MGAT4C: variants seen among roughly 807,000 people sequenced by gnomAD.
MGAT4C encodes MGAT4 family member C, also known as alpha-1,3-mannosyl-glycoprotein 4-beta-N-acetylglucosaminyltransferase C.
In MGAT4C, 19 loss-of-function variants were observed where a neutral mutation model predicts 40.1. The ratio of observed to expected loss-of-function variants is 0.47; its 90% CI spans 0.33 to 0.70. MGAT4C has a LOEUF of 0.70. Ranked by LOEUF, MGAT4C falls within the 30% of genes least tolerant of loss-of-function variation. The probability of loss-of-function intolerance (pLI) is 0.02; values close to 1 mark genes in which losing one functional copy is unlikely to be tolerated. For missense variants in MGAT4C, 491 were observed against 563.2 expected, an observed-to-expected ratio of 0.87 and a Z score of 1.30; for synonymous variants, 181 against 187.1, an observed-to-expected ratio of 0.97 and a Z score of 0.27.
chr12:86,067,238 A>C (rs1039860120), intron 1 of MGAT4C, among the ~76,000 whole-genome samples: 3 of 152,208 alleles, frequency 2.0e-5, no homozygotes, highest in Admixed American at 2.0e-4. Flanking sequence ...AAATCATTCT[A>C]CTATAAAGAT....
chr12:86,452,828 T>G (rs1015103834), intron 2 of MGAT4C, among the ~76,000 whole-genome samples: 7 of 152,146 alleles, frequency 4.6e-5, no homozygotes, highest in Non-Finnish European at 1.0e-4. Flanking sequence ...GTAGACTGTA[T>G]TTGTCTATTC....
intron 1 of MGAT4C, among the ~76,000 whole-genome samples, chr12:86,770,304 A>G (rs1171780312): frequency 1.3e-5 from 2 of 151,994 alleles, no homozygotes; most frequent in Non-Finnish European, 2.9e-5. Context: ...CAGACTTTAA[A>G]CTGTTTGAAA....
At chr12:86,367,494 G>C (rs1360881647) in intron 3 of MGAT4C, among the ~76,000 whole-genome samples, 1 of 152,132 alleles carries the variant, frequency 6.6e-6, no homozygotes, top group African/African-American at 2.4e-5. Context: ...CTTCAACCCT[G>C]AATCCTTAAA....
intron 1 of MGAT4C, among the ~76,000 whole-genome samples, chr12:86,810,445 T>A (rs1399222435): frequency 6.6e-6 from 1 of 152,002 alleles, no homozygotes; most frequent in Non-Finnish European, 1.5e-5. Flanking sequence ...TCTTTCACCA[T>A]AAAGAATTAT....
chr12:86,337,740 T>C (rs1373515276), intron 3 of MGAT4C, among the ~76,000 whole-genome samples: 2 of 152,154 alleles, frequency 1.3e-5, no homozygotes, highest in African/African-American at 4.8e-5. Flanking sequence ...AAATGATGGG[T>C]TTATAATAGG....
At chr12:86,470,665 A>G (rs1242474211) in intron 2 of MGAT4C, among the ~76,000 whole-genome samples, 5 of 152,168 alleles carry the variant, frequency 3.3e-5, no homozygotes, top group South Asian at 2.1e-4. Context: ...ACTTATTGCA[A>G]TAGGCAAAGG....
At position 86,496,539 on chromosome 12, in the gene MGAT4C, T is replaced by C. The variant is rs572205986; in HGVS notation, c.-228-61274A>G. 3.3e-5 allele frequency among the ~76,000 whole-genome samples: 5 copies of C among 152,152 alleles called. No individual in the cohort carries two copies. In the East Asian group the frequency reaches 7.7e-4, roughly 24 times the overall value. On this transcript the variant is annotated intron_variant, in intron 2 of 7. Transcript: ENST00000548651. ...TTATGTGGTAATAAATTTAATAATG[T>C]TTCAGAAATGCTTAAAATATCTGTA...
chr12:86,808,262 C>G (rs926381226), intron 1 of MGAT4C, among the ~76,000 whole-genome samples: 1 of 152,064 alleles, frequency 6.6e-6, no homozygotes, highest in Non-Finnish European at 1.5e-5. Context: ...AGAGACTCCT[C>G]TCTAACTCAT....
intron 3 of MGAT4C, among the ~76,000 whole-genome samples, chr12:86,426,934 G>A (rs923346539): frequency 1.1e-4 from 17 of 152,138 alleles, no homozygotes; most frequent in African/African-American, 2.6e-4. Context: ...GCAACAGAGC[G>A]AGAATCCATC....
At chr12:86,288,274 A>G (rs542585155) in intron 4 of MGAT4C, among the ~76,000 whole-genome samples, 14 of 151,832 alleles carry the variant, frequency 9.2e-5, no homozygotes, top group Admixed American at 2.6e-4. Flanking sequence ...AGATTGCAAA[A>G]TTTTTCTCCC....
At chr12:86,639,282 C>T (rs1254222588) in intron 2 of MGAT4C, among the ~76,000 whole-genome samples, 1 of 151,710 alleles carries the variant, frequency 6.6e-6, no homozygotes, top group African/African-American at 2.4e-5. Flanking sequence ...CATTTTACAT[C>T]AGGCAATCTA....
At chr12:86,368,365 TC>T (rs2136209127) in intron 3 of MGAT4C, among the ~76,000 whole-genome samples, 1 of 152,282 alleles carries the variant, frequency 6.6e-6, no homozygotes, top group African/African-American at 2.4e-5. Context: ...GTAATTTTTT[TC>T]TATTGATTTT....
chr12:85,958,411 C>T lies in MGAT4C; in HGVS notation c.*20878G>A, dbSNP rs1242080974. On this transcript the variant is annotated 3_prime_UTR_variant, in exon 5 of 5. Transcript: ENST00000611864. The stretch of plus-strand genomic sequence containing the variant: ...AGTGTAACTAGGCAGTCAGAAATAC[C>T]TGTATCTCAAATTCATTTAACTTTT... 6.6e-6 allele frequency: 1 copy of T among 152,070 alleles called. No homozygotes were observed. The allele number at this position is 152,070 out of a possible 1,614,324, so 9.4% of individuals were successfully genotyped here.
intron 2 of MGAT4C, among the ~76,000 whole-genome samples, chr12:86,692,797 A>G (rs1471159587): frequency 6.6e-6 from 1 of 152,206 alleles, no homozygotes; most frequent in East Asian, 1.9e-4. Flanking sequence ...AGAAGAGGAT[A>G]GTCTTTTTGA....
intron 2 of MGAT4C, among the ~76,000 whole-genome samples, chr12:86,726,507 A>AT (rs1414739397): frequency 2.0e-5 from 3 of 152,116 alleles, no homozygotes; most frequent in Admixed American, 6.5e-5. Flanking sequence ...AAAATGGTTG[A>AT]TTTTTTTACT....
At chr12:86,659,929 TAA>T (rs368852172) in intron 2 of MGAT4C, among the ~76,000 whole-genome samples, 12 of 138,090 alleles carry the variant, frequency 8.7e-5, no homozygotes, top group Admixed American at 1.5e-4. Flanking sequence ...GCAGGGTGAT[TAA>T]AAAAAAAAAA....
At chr12:86,279,820 A>C (rs1295507430) in intron 4 of MGAT4C, among the ~76,000 whole-genome samples, 5 of 151,608 alleles carry the variant, frequency 3.3e-5, no homozygotes, top group African/African-American at 9.7e-5. Flanking sequence ...TATCCCATAG[A>C]TTTTGGTAAG....
intron 4 of MGAT4C, among the ~76,000 whole-genome samples, chr12:86,292,680 TC>T (rs1953554045): frequency 6.6e-6 from 1 of 152,206 alleles, no homozygotes; most frequent in Admixed American, 6.5e-5. Context: ...AAACTGCTGT[TC>T]CATTCTATTT....
intron 2 of MGAT4C, among the ~76,000 whole-genome samples, chr12:86,583,464 A>G (rs894058708): frequency 6.6e-6 from 1 of 151,280 alleles, no homozygotes; most frequent in Admixed American, 6.6e-5. Flanking sequence ...TTTCCTCTCT[A>G]TATTTCAGTG....
Sources: allele counts gnomAD v4.1 joint callset (sites outside exome capture counted in the v4.1 genomes callset), GRCh38; gene constraint gnomAD v4.1.1; transcripts MANE v1.5; gene names NCBI Gene and HGNC (gene_info 2026-07-23, HGNC 2026-07-21).